The following INPP5D variants were observed in gnomAD, a reference collection of about 807,000 sequenced individuals.
INPP5D encodes inositol polyphosphate-5-phosphatase D.
INPP5D carries 33 observed loss-of-function variants against 122.9 expected under a neutral mutation model. That is an observed-to-expected ratio of 0.27 (90% CI 0.20 to 0.36). The LOEUF (loss-of-function observed/expected upper bound fraction) is 0.36. INPP5D is among the 10% of genes least tolerant of loss of function. The pLI is 1.00. For missense variants in INPP5D, 1,053 were observed against 1,412.7 expected (o/e 0.75, Z 4.08); for synonymous variants, 584 against 576.2 (o/e 1.01, Z -0.19).
intron 1 of INPP5D, among the ~76,000 whole-genome samples, chr2:233,061,079 G>A (rs1336162808): frequency 6.6e-6 from 1 of 152,232 alleles, no homozygotes; most frequent in Non-Finnish European, 1.5e-5. Context: ...GGCGAGCCAA[G>A]AATATGGGGT....
At chr2:233,125,046 G>A (rs1022258621) in intron 3 of INPP5D, among the ~76,000 whole-genome samples, 3 of 152,276 alleles carry the variant, frequency 2.0e-5, no homozygotes, top group Admixed American at 6.5e-5. Flanking sequence ...CAGCCGCTCT[G>A]TGTGGGAAGA....
In INPP5D at chr2:233,106,432, G is replaced by A. The variant is rs189880667; in HGVS notation, c.199-15675G>A. Among the ~76,000 whole-genome samples, 7 of 152,320 alleles carry A rather than the reference G, an allele frequency of 4.6e-5. No homozygotes were observed. The East Asian group carries it at 1.2e-3, about 25-fold the overall frequency. Reference sequence around the variant, plus strand: ...AGTAGAAACTCAATGTGCCCTTAAAGCCCTCAGCTCAGAACTGGTGCTTTT... The same window carrying A: ...AGTAGAAACTCAATGTGCCCTTAAAACCCTCAGCTCAGAACTGGTGCTTTT... On this transcript the variant is annotated intron_variant, in intron 2 of 26. Transcript: ENST00000445964.
intron 2 of INPP5D, among the ~76,000 whole-genome samples, chr2:233,091,121 A>AC (rs1691981530): frequency 6.6e-6 from 1 of 152,124 alleles, no homozygotes; most frequent in Non-Finnish European, 1.5e-5. Flanking sequence ...GGGTCTTGGC[A>AC]CCTGCCCTGC....
In INPP5D at chr2:233,197,381, G is replaced by A. The variant is rs1353357458; in HGVS notation, c.2694-714G>A. ...ACATGGCTGTCTCTATGCTGACGCTGCACACACAAATGTGTGAGCTGATGT... is the reference window on the plus strand; with the variant it reads ...ACATGGCTGTCTCTATGCTGACGCTACACACACAAATGTGTGAGCTGATGT... On this transcript the variant is annotated intron_variant, in intron 24 of 26. Coordinates refer to ENST00000445964, the MANE Select transcript of INPP5D (RefSeq NM_001017915.3). This position sits in a 1 kb window ranked among gnomAD's most constrained non-coding sequence, Gnocchi z 4.4. Among the ~76,000 whole-genome samples the A allele has an allele frequency of 6.6e-6, 1 of 152,130 alleles. No homozygotes were observed. The highest frequency in any genetic ancestry group is 1.5e-5 in the Non-Finnish European group (1 of 68,020).
chr2:233,144,529 GA>G, intron 6 of INPP5D, among the ~76,000 whole-genome samples: 2 of 115,214 alleles, frequency 1.7e-5, no homozygotes, highest in African/African-American at 3.3e-5. Context: ...TGGTGATGGT[GA>G]GGGTGGAGGT....
At chr2:233,118,858 C>G (rs1174608831) in intron 2 of INPP5D, among the ~76,000 whole-genome samples, 3 of 152,224 alleles carry the variant, frequency 2.0e-5, no homozygotes, top group Non-Finnish European at 2.9e-5. Flanking sequence ...TGGCTTCTAC[C>G]CTGCATTCTC....
At chr2:233,146,025 A>G in intron 6 of INPP5D, 137 bp from the exon 7 acceptor site, 1 of 702,934 alleles carries the variant, frequency 1.4e-6, no homozygotes, top group Non-Finnish European at 2.6e-6. Flanking sequence ...CTCATCTGCC[A>G]GAAGGGGATA....
intron 1 of INPP5D, among the ~76,000 whole-genome samples, chr2:233,069,587 G>T (rs1233012131): frequency 6.6e-6 from 1 of 151,884 alleles, no homozygotes; most frequent in Non-Finnish European, 1.5e-5. Context: ...CATTTAGTTA[G>T]AATTTCTTCC....
At chr2:233,190,846 G>A (rs745400146) in intron 22 of INPP5D, among the ~76,000 whole-genome samples, 3 of 152,196 alleles carry the variant, frequency 2.0e-5, no homozygotes, top group African/African-American at 7.2e-5. Context: ...ACCTTATCCC[G>A]AGGGCAGTAG....
chr2:233,178,201 G>C (rs566307797), intron 18 of INPP5D, among the ~76,000 whole-genome samples: 226 of 152,254 alleles, frequency 1.5e-3, no homozygotes, highest in African/African-American at 4.9e-3. Flanking sequence ...ATAGGCTGAG[G>C]GGGGAGGATC....
At chr2:233,134,244 T>C (rs1013588401) in intron 5 of INPP5D, 3 of 322,774 alleles carry the variant, frequency 9.3e-6, no homozygotes, top group Non-Finnish European at 1.9e-5. Context: ...TCACCAGCCA[T>C]GGAGCTAGTG....
chr2:233,064,079 A>G (rs1574695805), intron 1 of INPP5D, among the ~76,000 whole-genome samples: 1 of 152,394 alleles, frequency 6.6e-6, no homozygotes, highest in East Asian at 1.9e-4. Context: ...TGCAATCTGC[A>G]CAGGCAAAGC....
chr2:233,137,897 T>TATACACAC (rs1453339834), intron 5 of INPP5D, among the ~76,000 whole-genome samples: 1 of 44,544 alleles, frequency 2.2e-5, no homozygotes, highest in Non-Finnish European at 4.4e-5. Context: ...TATATATATA[T>TATACACAC]ACACACACAC....
chr2:233,094,635 A>G (rs1226613556), intron 2 of INPP5D, among the ~76,000 whole-genome samples: 1 of 151,822 alleles, frequency 6.6e-6, no homozygotes, highest in Non-Finnish European at 1.5e-5. Context: ...CTTGCTGCTC[A>G]GAGTCTGGTC....
At chr2:233,102,017 G>A (rs1416620957) in intron 2 of INPP5D, among the ~76,000 whole-genome samples, 1 of 151,882 alleles carries the variant, frequency 6.6e-6, no homozygotes, top group Non-Finnish European at 1.5e-5. Context: ...CTCACTGACT[G>A]GGAGCCACGC....
At chr2:233,109,545 A>G (rs1692555361) in intron 2 of INPP5D, among the ~76,000 whole-genome samples, 1 of 151,982 alleles carries the variant, frequency 6.6e-6, no homozygotes, top group South Asian at 2.1e-4. Flanking sequence ...AAAAATAGAC[A>G]CTTTTAGGCA....
chr2:233,183,687 C>T lies in INPP5D; in HGVS notation c.2162-721C>T, dbSNP rs570113090. On this transcript the variant is annotated intron_variant, in intron 19 of 26. Transcript: ENST00000445964. The surrounding 1 kb of genome is among the most constrained non-coding windows in gnomAD (Gnocchi z 4.6). Reference sequence around the variant, plus strand: ...AGCAGATGCTGGAAAACACTGATCACGGGGATTGAGCATTGACAGGGCATC... The same window carrying T: ...AGCAGATGCTGGAAAACACTGATCATGGGGATTGAGCATTGACAGGGCATC... Among the ~76,000 whole-genome samples the T allele has an allele frequency of 1.4e-4, 22 of 152,266 alleles. No individual in the cohort carries two copies. Among genetic ancestry groups the T allele is most frequent in the Non-Finnish European group, 2.5e-4 (17 of 68,016 alleles).
chr2:233,182,629 A>T, intron 19 of INPP5D, 130 bp downstream of exon 19: 1 of 1,400,196 alleles, frequency 7.1e-7, no homozygotes, highest in Non-Finnish European at 9.6e-7. Flanking sequence ...CCACAATATC[A>T]GTCAGTTTCT....
chr2:233,206,317 T>C lies in INPP5D; in HGVS notation c.3568-389T>C, dbSNP rs1695503152. Among the ~76,000 whole-genome samples the C allele has an allele frequency of 2.6e-5, 4 of 151,396 alleles. No homozygotes were observed. The South Asian group carries it at 8.3e-4, about 31-fold the overall frequency. The stretch of plus-strand genomic sequence containing the variant: ...TACATTGATATCCATTACATATCAT[T>C]TCATATATATATACTATACATATTA... On this transcript the variant is annotated intron_variant, in intron 26 of 26. Coordinates refer to ENST00000445964, the MANE Select transcript of INPP5D (RefSeq NM_001017915.3). The surrounding 1 kb of genome is among the most constrained non-coding windows in gnomAD (Gnocchi z 4.0).
Sources: gnomAD v4.1 joint callset for allele counts (sites outside exome capture counted in the v4.1 genomes callset) on GRCh38, gnomAD v4.1.1 for gene constraint, Gnocchi (gnomAD v3.1) non-coding constraint, MANE v1.5 for transcripts, NCBI Gene and HGNC (gene_info 2026-07-23, HGNC 2026-07-21) for gene names.